MTCL2: variants seen among roughly 807,000 people sequenced by gnomAD.
MTCL2 encodes microtubule cross-linking factor 2.
At chr20:36,785,124 T>C in the MTCL2 span, 2 of 985,344 alleles carry the variant, frequency 2.0e-6, no homozygotes, top group Non-Finnish European at 2.4e-6. Flanking sequence ...GTACCAGGCA[T>C]TGAGTAATAA....
At chr20:36,844,113 G>C in the MTCL2 span, among the ~76,000 whole-genome samples, 12 of 152,054 alleles carry the variant, frequency 7.9e-5, no homozygotes, top group Non-Finnish European at 1.5e-4. Context: ...GTGCACGCCT[G>C]TAATCCCAGC....
At chr20:36,814,607 C>T in the MTCL2 span, among the ~76,000 whole-genome samples, 3 of 152,050 alleles carry the variant, frequency 2.0e-5, no homozygotes, top group African/African-American at 7.2e-5. Flanking sequence ...AAAATTATGG[C>T]CAGGCACAGT....
the MTCL2 span, among the ~76,000 whole-genome samples, chr20:36,843,400 G>A: frequency 6.6e-6 from 1 of 152,100 alleles, no homozygotes; most frequent in East Asian, 1.9e-4. Context: ...TTGACTCCTG[G>A]GGCTGCAGAG....
At chr20:36,793,381 A>G in the MTCL2 span, 1 of 1,551,356 alleles carries the variant, frequency 6.4e-7, no homozygotes, top group Non-Finnish European at 8.7e-7. The surrounding 1 kb of genome is among the most constrained non-coding windows in gnomAD (Gnocchi z 6.8). Context: ...TCCTGGCCAC[A>G]CCCTCTGGCT....
the MTCL2 span, chr20:36,802,752 G>A: frequency 1.5e-6 from 2 of 1,368,316 alleles, no homozygotes; most frequent in Non-Finnish European, 2.0e-6. Flanking sequence ...CTCACTGGAT[G>A]AGCACCTAGA....
the MTCL2 span, among the ~76,000 whole-genome samples, chr20:36,822,185 T>C: frequency 0.9 from 136,661 of 152,360 alleles, 61,807 homozygotes; most frequent in African/African-American, 0.98. Flanking sequence ...GCTGGCCAGG[T>C]GGCTGGGGGG....
At chr20:36,807,621 G>A in the MTCL2 span, among the ~76,000 whole-genome samples, 6 of 152,254 alleles carry the variant, frequency 3.9e-5, no homozygotes, top group South Asian at 1.2e-3. Flanking sequence ...GGTCAGGTGG[G>A]TCCTTTCTAA....
At chr20:36,863,063 C>G in the MTCL2 span, 23 of 1,405,840 alleles carry the variant, frequency 1.6e-5, no homozygotes, top group African/African-American at 3.2e-4. The surrounding 1 kb of genome is among the most constrained non-coding windows in gnomAD (Gnocchi z 6.2). Flanking sequence ...TGGCACGGAC[C>G]CCGGTGCGGA....
chr20:36,786,281 C>T, the MTCL2 span: 312 of 1,256,368 alleles, frequency 2.5e-4, no homozygotes, highest in Non-Finnish European at 3.0e-4. Flanking sequence ...CCTGGGAAGT[C>T]GAAGCTCACC....
At chr20:36,852,147 C>T in the MTCL2 span, among the ~76,000 whole-genome samples, 3 of 152,202 alleles carry the variant, frequency 2.0e-5, no homozygotes, top group African/African-American at 7.2e-5. Context: ...AGGCCCAGAA[C>T]CTTCACTCTG....
the MTCL2 span, chr20:36,777,634 G>T: frequency 2.1e-6 from 1 of 484,518 alleles, no homozygotes. Context: ...GGAAAGGAGA[G>T]AATAGTGGAC....
At chr20:36,824,176 G>C in the MTCL2 span, among the ~76,000 whole-genome samples, 1 of 99,376 alleles carries the variant, frequency 1.0e-5, no homozygotes, top group Non-Finnish European at 2.2e-5. Flanking sequence ...ACATCCTGCA[G>C]TTCTACTCCC....
chr20:36,831,510 TC>T, the MTCL2 span, among the ~76,000 whole-genome samples: 105 of 152,256 alleles, frequency 6.9e-4, 3 homozygotes, highest in South Asian at 0.018. Context: ...AAGAGGGCCC[TC>T]CCTGGCTCTG....
the MTCL2 span, among the ~76,000 whole-genome samples, chr20:36,820,476 T>A: frequency 2.0e-5 from 3 of 152,182 alleles, no homozygotes; most frequent in African/African-American, 7.2e-5. Flanking sequence ...CCCAAATATG[T>A]CCACCAACTT....
At chr20:36,808,562 C>A in the MTCL2 span, 2 of 1,610,092 alleles carry the variant, frequency 1.2e-6, no homozygotes, top group Non-Finnish European at 8.5e-7. Flanking sequence ...CTGCCGCCAG[C>A]GCTTGAGGAA....
the MTCL2 span, chr20:36,778,165 C>T: frequency 4.5e-6 from 1 of 220,652 alleles, no homozygotes; most frequent in African/African-American, 2.3e-5. Context: ...ACTTCTCTTC[C>T]TCTTCCAAGA....
chr20:36,804,892 T>C, the MTCL2 span: 179 of 1,611,376 alleles, frequency 1.1e-4, no homozygotes, highest in African/African-American at 2.1e-3. Context: ...TGTCTTGATG[T>C]ACTCATTGGG....
chr20:36,815,634 C>T, the MTCL2 span: 2 of 1,604,816 alleles, frequency 1.2e-6, no homozygotes, highest in Non-Finnish European at 1.7e-6. The surrounding 1 kb of genome is among the most constrained non-coding windows in gnomAD (Gnocchi z 5.3). Flanking sequence ...GAGGTCACAG[C>T]GCTGGAGGTT....
the MTCL2 span, among the ~76,000 whole-genome samples, chr20:36,838,855 C>G: frequency 6.6e-6 from 1 of 152,058 alleles, no homozygotes; most frequent in East Asian, 1.9e-4. Flanking sequence ...GTAATCCCAG[C>G]TACTTGGGAG....
Sources: allele counts gnomAD v4.1 joint callset (sites outside exome capture counted in the v4.1 genomes callset), GRCh38; gene constraint gnomAD v4.1.1; non-coding constraint Gnocchi (gnomAD v3.1); transcripts MANE v1.5; gene names NCBI Gene and HGNC (gene_info 2026-07-23, HGNC 2026-07-21).